Variants in NPAS3 observed in about 807,000 individuals in gnomAD.
NPAS3 encodes the protein neuronal PAS domain-containing protein 3.
NPAS3 carries 14 observed loss-of-function variants against 73.1 expected under a neutral mutation model. The observed-to-expected ratio is 0.19, with a 90% confidence interval of 0.13 to 0.30. NPAS3 has a LOEUF of 0.30. Among genes scored for constraint, NPAS3 ranks in the 10% least tolerant of loss-of-function variants. The probability of loss-of-function intolerance (pLI) is 1.00; values close to 1 mark genes in which losing one functional copy is unlikely to be tolerated. For missense variants in NPAS3, 1,096 were observed against 1,250.0 expected (o/e 0.88, Z 1.86); for synonymous variants, 620 against 541.5 (o/e 1.14, Z -2.01).
At chr14:33,705,817 T>A (rs1272680070) in intron 6 of NPAS3, among the ~76,000 whole-genome samples, 1 of 152,242 alleles carries the variant, frequency 6.6e-6, no homozygotes, top group Non-Finnish European at 1.5e-5. Context: ...GGGCTTGTCT[T>A]CTATTTTCAT....
chr14:33,780,847 TAAAC>T (rs1397275135), intron 9 of NPAS3: 2 of 263,904 alleles, frequency 7.6e-6, no homozygotes, highest in Non-Finnish European at 1.5e-5. Context: ...TGCCAACTAA[TAAAC>T]AGAGAAGGTA....
intron 4 of NPAS3, among the ~76,000 whole-genome samples, chr14:33,388,818 G>A (rs1445992225): frequency 1.3e-5 from 2 of 152,138 alleles, no homozygotes; most frequent in East Asian, 3.9e-4. Context: ...TCATGGCAGT[G>A]GTTAAGAGAC....
At position 33,349,637 on chromosome 14, in the gene NPAS3, G is replaced by T. The variant is rs560750952; in HGVS notation, c.386-17549G>T. On this transcript the variant is annotated intron_variant, in intron 3 of 11. Transcript: ENST00000356141. ...GCTTGTTTGAAAACTATTCTGACTG[G>T]CTACTTTGTTCCTTTTTTGTCATTT... 4.6e-5 allele frequency among the ~76,000 whole-genome samples: 7 copies of T among 152,172 alleles called. No homozygotes were observed. In the East Asian group the frequency reaches 1.2e-3, roughly 25 times the overall value.
At chr14:33,374,854 G>C (rs1355983250) in intron 4 of NPAS3, among the ~76,000 whole-genome samples, 1 of 151,990 alleles carries the variant, frequency 6.6e-6, no homozygotes, top group Non-Finnish European at 1.5e-5. Context: ...CTAACACAAA[G>C]ATACAAATTA....
chr14:33,331,135 A>G (rs1040340841), intron 3 of NPAS3, among the ~76,000 whole-genome samples: 2 of 152,184 alleles, frequency 1.3e-5, no homozygotes, highest in African/African-American at 4.8e-5. Flanking sequence ...TCAAGCTTGT[A>G]AATCAGGAAT....
chr14:33,585,024 T>C (rs2056812881), intron 5 of NPAS3, among the ~76,000 whole-genome samples: 1 of 152,090 alleles, frequency 6.6e-6, no homozygotes, highest in African/African-American at 2.4e-5. Flanking sequence ...AATAAAGTTC[T>C]GCAGCATTGA....
At chr14:33,119,357 C>T (rs1461858248) in intron 2 of NPAS3, among the ~76,000 whole-genome samples, 1 of 152,068 alleles carries the variant, frequency 6.6e-6, no homozygotes, top group Non-Finnish European at 1.5e-5. Context: ...CAATCCACAA[C>T]TTCTCCCTTT....
chr14:33,102,209 C>CAT (rs1222268378), intron 2 of NPAS3, among the ~76,000 whole-genome samples: 1 of 151,992 alleles, frequency 6.6e-6, no homozygotes, highest in Non-Finnish European at 1.5e-5. Flanking sequence ...AGGTTGGTTC[C>CAT]CATCGTGACA....
At chr14:33,701,747 T>G (rs150107266) in intron 6 of NPAS3, among the ~76,000 whole-genome samples, 303 of 152,362 alleles carry the variant, frequency 2.0e-3, no homozygotes, top group African/African-American at 6.9e-3. Context: ...TTTATCCATT[T>G]AACAACTTTT....
At chr14:33,514,061 T>A (rs2053187078) in intron 4 of NPAS3, among the ~76,000 whole-genome samples, 1 of 151,900 alleles carries the variant, frequency 6.6e-6, no homozygotes, top group South Asian at 2.1e-4. Flanking sequence ...GTGAAATGAG[T>A]TTGGTGGTCT....
At chr14:33,254,304 C>T (rs1231216024) in intron 3 of NPAS3, among the ~76,000 whole-genome samples, 1 of 152,130 alleles carries the variant, frequency 6.6e-6, no homozygotes, top group Non-Finnish European at 1.5e-5. Flanking sequence ...GGCCTTAACA[C>T]ACTTCTCGAA....
At chr14:33,639,383 T>C (rs1014467385) in intron 5 of NPAS3, among the ~76,000 whole-genome samples, 1 of 151,984 alleles carries the variant, frequency 6.6e-6, no homozygotes. Flanking sequence ...TAAAAAAAAA[T>C]TGTCTAGATA....
chr14:33,154,208 G>T (rs1454455697), intron 2 of NPAS3, among the ~76,000 whole-genome samples: 2 of 152,168 alleles, frequency 1.3e-5, no homozygotes, highest in Admixed American at 1.3e-4. Context: ...GCAAAATCAA[G>T]TCCCCAATTC....
At chr14:33,178,705 T>C (rs529460382) in intron 2 of NPAS3, among the ~76,000 whole-genome samples, 1 of 152,328 alleles carries the variant, frequency 6.6e-6, no homozygotes, top group East Asian at 1.9e-4. Context: ...ATTTAGATGC[T>C]CTAGTAGTTT....
At chr14:33,791,992 G>A (rs1388914088) in intron 9 of NPAS3, among the ~76,000 whole-genome samples, 1 of 152,172 alleles carries the variant, frequency 6.6e-6, no homozygotes, top group Non-Finnish European at 1.5e-5. Context: ...TGTGAAAATA[G>A]TGGACAGAAT....
At chr14:33,177,575 A>C (rs1181010655) in intron 2 of NPAS3, among the ~76,000 whole-genome samples, 1 of 152,146 alleles carries the variant, frequency 6.6e-6, no homozygotes, top group East Asian at 1.9e-4. Context: ...TTGTTGTCAT[A>C]TCCAAGAATC....
intron 3 of NPAS3, among the ~76,000 whole-genome samples, chr14:33,296,250 G>C (rs1425353008): frequency 6.6e-6 from 1 of 152,060 alleles, no homozygotes; most frequent in Non-Finnish European, 1.5e-5. Flanking sequence ...TTCCATTGAA[G>C]ATGTTGTTGT....
At position 33,046,451 on chromosome 14, in the gene NPAS3, T is replaced by G. The variant is rs181989499; in HGVS notation, c.51-9454T>G. Among the ~76,000 whole-genome samples the G allele has an allele frequency of 4.3e-3, 647 of 152,012 alleles. 2 individuals are homozygous for G. The highest frequency in any genetic ancestry group is 6.9e-3 in the Non-Finnish European group (472 of 67,948). On this transcript the variant is annotated intron_variant, in intron 1 of 11. Coordinates refer to ENST00000356141, the Ensembl canonical transcript of NPAS3. ...GAAGGTGAGTTTAAATCAGGAGAAG[T>G]TGGAGGAGGATACTGCAGTGATCCA... is the stretch of plus-strand genomic sequence containing the variant.
At chr14:33,755,281 T>C (rs1407397905) in intron 7 of NPAS3, among the ~76,000 whole-genome samples, 2 of 152,224 alleles carry the variant, frequency 1.3e-5, no homozygotes, top group African/African-American at 2.4e-5. Flanking sequence ...TTTTAGCATT[T>C]CAGAATATAT....
Sources: allele counts gnomAD v4.1 joint callset (sites outside exome capture counted in the v4.1 genomes callset), GRCh38; gene constraint gnomAD v4.1.1; transcripts MANE v1.5; gene names NCBI Gene and HGNC (gene_info 2026-07-23, HGNC 2026-07-21).